The following TRPM8 variants were observed in gnomAD, a reference collection of about 807,000 sequenced individuals.
TRPM8 encodes transient receptor potential cation channel subfamily M member 8.
In TRPM8, 110 loss-of-function variants were observed where a neutral mutation model predicts 133.7. The ratio of observed to expected loss-of-function variants is 0.82; its 90% CI spans 0.70 to 0.96. TRPM8 has a LOEUF of 0.96. Among genes scored for constraint, TRPM8 ranks in the 40% least tolerant of loss-of-function variants. TRPM8 has a pLI of 0.00. For missense variants in TRPM8, 1,291 were observed against 1,379.5 expected (o/e 0.94, Z 1.02); for synonymous variants, 535 against 532.3 (o/e 1.01, Z -0.07).
chr2:233,979,803 C>A (rs984364799), intron 17 of TRPM8, among the ~76,000 whole-genome samples: 3 of 152,178 alleles, frequency 2.0e-5, no homozygotes, highest in African/African-American at 7.2e-5. Context: ...TCTATGATGA[C>A]AACAATATGA....
At chr2:234,016,424 T>C (rs984441537) in intron 25 of TRPM8, among the ~76,000 whole-genome samples, 12 of 152,328 alleles carry the variant, frequency 7.9e-5, no homozygotes, top group African/African-American at 2.6e-4. Context: ...TATAACTTTA[T>C]AGGCAATCAG....
intron 24 of TRPM8, chr2:234,013,534 G>A (rs1692889832): frequency 6.6e-6 from 1 of 151,994 alleles, no homozygotes; most frequent in Non-Finnish European, 1.5e-5. Flanking sequence ...TTTCTTAAAA[G>A]GTTTGTTGAT....
At chr2:233,949,360 TGTCCTCTGCA>T (rs1241427705) in intron 8 of TRPM8, among the ~76,000 whole-genome samples, 1 of 152,254 alleles carries the variant, frequency 6.6e-6, no homozygotes, top group African/African-American at 2.4e-5. Context: ...CCCCCTCTGC[TGTCCTCTGCA>T]GTTGTTACAA....
chr2:233,975,815 G>C (rs1411780920), intron 17 of TRPM8, among the ~76,000 whole-genome samples: 1 of 152,246 alleles, frequency 6.6e-6, no homozygotes, highest in Non-Finnish European at 1.5e-5. Context: ...CCTGGAGGCA[G>C]AGGTTGCAGT....
intron 22 of TRPM8, among the ~76,000 whole-genome samples, chr2:234,004,200 A>C (rs1692636774): frequency 6.6e-6 from 1 of 152,206 alleles, no homozygotes; most frequent in Non-Finnish European, 1.5e-5. Flanking sequence ...TGTTGACATG[A>C]TCCCTCTTCA....
intron 22 of TRPM8, among the ~76,000 whole-genome samples, chr2:234,000,174 G>A (rs1172467969): frequency 4.0e-5 from 6 of 151,444 alleles, no homozygotes; most frequent in African/African-American, 1.5e-4. Flanking sequence ...GCAGTGGCAT[G>A]ATCTCGGCTC....
At chr2:233,919,776 A>G (rs1691372280) in intron 1 of TRPM8, among the ~76,000 whole-genome samples, 1 of 152,086 alleles carries the variant, frequency 6.6e-6, no homozygotes, top group Admixed American at 6.5e-5. Flanking sequence ...TCCTGGTCTG[A>G]TGGAGATGTA....
Position 233,947,582 on chromosome 2 carries a change from G to T in TRPM8, c.942+427G>T, listed in dbSNP as rs893613049. On this transcript the variant is annotated intron_variant, in intron 8 of 25. Transcript: ENST00000324695. ...CATTTATATGCCACCTGGGGATGCA[G>T]GTATGTTGCATGATGGAATTCCAAA... 13 of 1,290,968 alleles carry T rather than the reference G, an allele frequency of 1.0e-5. No homozygotes were observed. The African/African-American group carries it at 2.0e-4, about 20-fold the overall frequency. 80.0% of individuals were successfully genotyped at this position (1,290,968 alleles called of 1,614,324 possible).
intron 24 of TRPM8, among the ~76,000 whole-genome samples, chr2:234,010,027 G>T (rs772808764): frequency 3.3e-5 from 5 of 152,030 alleles, no homozygotes; most frequent in African/African-American, 4.8e-5. Context: ...GGCAAATTTC[G>T]TGGGTACAAT....
At chr2:233,926,443 G>T in intron 1 of TRPM8, 90 bp from the exon 2 acceptor site, 1 of 943,544 alleles carries the variant, frequency 1.1e-6, no homozygotes, top group East Asian at 2.4e-5. Flanking sequence ...AGGGGAGAGG[G>T]TGGAGGGAAA....
intron 22 of TRPM8, among the ~76,000 whole-genome samples, chr2:234,002,217 G>T (rs1312707430): frequency 6.6e-6 from 1 of 151,968 alleles, no homozygotes; most frequent in Non-Finnish European, 1.5e-5. Context: ...GCCACAGAGC[G>T]AGGAGTGGGC....
At chr2:233,983,306 C>G (rs1253711778) in intron 20 of TRPM8, 82 bp downstream of exon 20, 3 of 1,537,088 alleles carry the variant, frequency 2.0e-6, no homozygotes, top group African/African-American at 2.7e-5. Context: ...GCCCCGGAGA[C>G]CGCACTTCAG....
chr2:233,923,254 GT>G (rs1163677098), intron 1 of TRPM8, among the ~76,000 whole-genome samples: 1 of 152,194 alleles, frequency 6.6e-6, no homozygotes, highest in African/African-American at 2.4e-5. Context: ...ACCCAGTGAG[GT>G]TTTTATTGTG....
chr2:234,000,262 C>T (rs921555251), intron 22 of TRPM8, among the ~76,000 whole-genome samples: 1 of 151,962 alleles, frequency 6.6e-6, no homozygotes, highest in African/African-American at 2.4e-5. Context: ...AGGCACCCGC[C>T]ACCACACCTG....
intron 17 of TRPM8, among the ~76,000 whole-genome samples, chr2:233,977,770 A>G (rs1186931286): frequency 6.6e-6 from 1 of 152,222 alleles, no homozygotes; most frequent in African/African-American, 2.4e-5. Context: ...GTCCTTCATT[A>G]TGGTCCTGAT....
At chr2:233,971,336 C>G (rs28902191) in intron 17 of TRPM8, among the ~76,000 whole-genome samples, 13,438 of 152,136 alleles carry the variant, frequency 0.088, 1,511 homozygotes, top group East Asian at 0.39. Context: ...CTCTGACAGA[C>G]TTTTTTTAGT....
chr2:233,969,717 A>T lies in TRPM8; in HGVS notation c.2048A>T (p.Tyr683Phe). The change falls in exon 16 of 26, where the codon TAT becomes TTT. Residue 683 changes from tyrosine to phenylalanine, a missense_variant. Physicochemically the swap from Tyr to Phe is conservative, Grantham distance 22. Transcript: ENST00000324695. ...GVQNFLSKQWYGEISRDTKNW... is the reference protein window; with the variant it reads ...GVQNFLSKQWFGEISRDTKNW... ...TAGAATTTTCTTTCTAAGCAATGGT[A>T]TGGAGAGATTTCCCGAGACACCAAG... The T allele has an allele frequency of 6.2e-7, 1 of 1,612,336 alleles. No individual in the cohort carries two copies.
intron 3 of TRPM8, 92 bp from the exon 4 acceptor site, chr2:233,937,261 C>T (rs1277797970): frequency 2.1e-6 from 3 of 1,461,930 alleles, no homozygotes; most frequent in Non-Finnish European, 2.8e-6. Context: ...TTGAAGGTAT[C>T]CTTTGTGTGT....
chr2:233,965,471 G>C (rs1005449626), intron 14 of TRPM8, among the ~76,000 whole-genome samples: 1 of 152,184 alleles, frequency 6.6e-6, no homozygotes, highest in Non-Finnish European at 1.5e-5. Flanking sequence ...TTGCACAGAG[G>C]CCTCGATCAT....
Sources: allele counts gnomAD v4.1 joint callset (sites outside exome capture counted in the v4.1 genomes callset), GRCh38; gene constraint gnomAD v4.1.1; transcripts MANE v1.5; gene names NCBI Gene and HGNC (gene_info 2026-07-23, HGNC 2026-07-21).